Variants in LINGO1 observed in about 807,000 individuals in gnomAD.
LINGO1 encodes the protein leucine rich repeat and Ig domain containing 1.
A neutral mutation model predicts 37.3 loss-of-function variants in LINGO1; 11 were observed. The ratio of observed to expected loss-of-function variants is 0.29; its 90% CI spans 0.19 to 0.49. LINGO1 has a LOEUF of 0.49. Ranked by LOEUF, LINGO1 falls within the 20% of genes least tolerant of loss-of-function variation. The pLI is 0.99. For synonymous variants in LINGO1, 387 were observed against 403.0 expected (o/e 0.96, Z 0.48); for missense variants, 585 against 878.2 (o/e 0.67, Z 4.22).
At chr15:77,737,442 A>AGAGGGAGGAAGGG (rs1228705035) in intron 1 of LINGO1, among the ~76,000 whole-genome samples, 1 of 151,982 alleles carries the variant, frequency 6.6e-6, no homozygotes, top group African/African-American at 2.4e-5. Flanking sequence ...GGGAGGAAGG[A>AGAGGGAGGAAGGG]GAGGGAGGAA....
chr15:77,671,364 GGAGAA>G (rs761234484), intron 3 of LINGO1, among the ~76,000 whole-genome samples: 9 of 152,158 alleles, frequency 5.9e-5, no homozygotes, highest in Non-Finnish European at 1.2e-4. Flanking sequence ...GGAGGAAGGA[GGAGAA>G]GAAAAGAGGT....
Position 77,674,657 on chromosome 15 carries a change from A to G in LINGO1, c.-13+2432T>C, listed in dbSNP as rs1019040564. On this transcript the variant is annotated intron_variant, in intron 3 of 3. Coordinates refer to the LINGO1 transcript ENST00000559893. ...GGAAGGCGCTTCCCCCACAACATCCACCCAACTCAGTCTCTCACTTCTTGC... is the reference window on the plus strand; with the variant it reads ...GGAAGGCGCTTCCCCCACAACATCCGCCCAACTCAGTCTCTCACTTCTTGC... 2.6e-5 allele frequency among the ~76,000 whole-genome samples: 4 copies of G among 151,550 alleles called. 1 individual carries two copies. Among genetic ancestry groups the G allele is most frequent in the Non-Finnish European group, 5.9e-5 (4 of 67,898 alleles).
chr15:77,759,658 T>G (rs2076454909), intron 1 of LINGO1, among the ~76,000 whole-genome samples: 1 of 152,232 alleles, frequency 6.6e-6, no homozygotes, highest in Admixed American at 6.5e-5. Context: ...ATTTGTCTCA[T>G]GCCCAGCTGA....
chr15:77,692,880 G>A (rs571320186), intron 1 of LINGO1, among the ~76,000 whole-genome samples: 2 of 152,364 alleles, frequency 1.3e-5, no homozygotes, highest in East Asian at 1.9e-4. Context: ...CACAGGTGGA[G>A]CAACGGAGGC....
chr15:77,769,618 G>A (rs1388855018), intron 1 of LINGO1, among the ~76,000 whole-genome samples: 1 of 152,148 alleles, frequency 6.6e-6, no homozygotes, highest in Non-Finnish European at 1.5e-5. Context: ...CAGGAGGATT[G>A]CCATGGAGAG....
rs576534136 is a variant in LINGO1 at position 77,766,650 on chromosome 15, C to T, written c.-257+20219G>A. On this transcript the variant is annotated intron_variant, in intron 1 of 3. Coordinates refer to the LINGO1 transcript ENST00000561686. The stretch of plus-strand genomic sequence containing the variant: ...ATGGTTTTATAAGCATCTGGCATTT[C>T]CCCTGCTTGCACTCACTCTGTCCTG... Among the ~76,000 whole-genome samples, 7 of 152,290 alleles carry T rather than the reference C, an allele frequency of 4.6e-5. No individual in the cohort carries two copies. In the South Asian group the frequency reaches 1.2e-3, roughly 27 times the overall value.
At chr15:77,805,222 G>A (rs1021410171) in intron 1 of LINGO1, among the ~76,000 whole-genome samples, 3 of 152,302 alleles carry the variant, frequency 2.0e-5, no homozygotes, top group South Asian at 2.1e-4. Context: ...GCAGGCCTGC[G>A]GTGTTCCCTG....
intron 3 of LINGO1, chr15:77,652,416 T>G (rs1204779466): frequency 6.6e-6 from 1 of 151,804 alleles, no homozygotes; most frequent in Non-Finnish European, 1.5e-5. Context: ...AAATTATGAC[T>G]GACAGCTCTT....
intron 2 of LINGO1, among the ~76,000 whole-genome samples, chr15:77,677,325 C>G (rs1260497718): frequency 6.6e-6 from 1 of 152,100 alleles, no homozygotes; most frequent in Non-Finnish European, 1.5e-5. Flanking sequence ...GCACATGCTC[C>G]TCAGTGCCAT....
At chr15:77,616,893 C>T (rs1458799566) in intron 1 of LINGO1, among the ~76,000 whole-genome samples, 1 of 152,154 alleles carries the variant, frequency 6.6e-6, no homozygotes, top group Admixed American at 6.5e-5. Flanking sequence ...GAAGTGTGCT[C>T]CCCTTAAAAA....
intron 2 of LINGO1, among the ~76,000 whole-genome samples, chr15:77,718,274 C>A (rs533313654): frequency 6.6e-6 from 1 of 150,914 alleles, no homozygotes; most frequent in African/African-American, 2.4e-5. Context: ...AAGTGCAGCA[C>A]CCCAGACACG....
intron 2 of LINGO1, among the ~76,000 whole-genome samples, chr15:77,719,253 G>A (rs1294072981): frequency 3.3e-5 from 5 of 149,988 alleles, no homozygotes; most frequent in African/African-American, 1.2e-4. Flanking sequence ...CCCAGGCCTG[G>A]GGTGGCTGGG....
chr15:77,766,662 C>T (rs1472859861), intron 1 of LINGO1, among the ~76,000 whole-genome samples: 1 of 152,190 alleles, frequency 6.6e-6, no homozygotes, highest in East Asian at 1.9e-4. Context: ...CCTGCTTGCA[C>T]TCACTCTGTC....
At chr15:77,683,065 G>C (rs1056105510) in intron 2 of LINGO1, among the ~76,000 whole-genome samples, 14 of 152,102 alleles carry the variant, frequency 9.2e-5, no homozygotes, top group African/African-American at 3.1e-4. Flanking sequence ...AAGAAAAATG[G>C]GCAAAGGACG....
chr15:77,748,382 A>C (rs2076335758), intron 1 of LINGO1, among the ~76,000 whole-genome samples: 1 of 152,240 alleles, frequency 6.6e-6, no homozygotes, highest in Admixed American at 6.5e-5. Context: ...CCCATCTATA[A>C]AACGGGGATA....
chr15:77,639,622 T>C (rs753051840), intron 3 of LINGO1, among the ~76,000 whole-genome samples: 30 of 152,074 alleles, frequency 2.0e-4, no homozygotes, highest in Non-Finnish European at 4.3e-4. Flanking sequence ...ATTCGCACAA[T>C]GGAATACTAT....
At chr15:77,664,160 T>TGTGTGTGG (rs1555527560) in intron 3 of LINGO1, among the ~76,000 whole-genome samples, 13 of 115,010 alleles carry the variant, frequency 1.1e-4, no homozygotes, top group African/African-American at 4.3e-4. Flanking sequence ...TGTGTGTGTG[T>TGTGTGTGG]GTGTGTGTGT....
chr15:77,798,931 A>T (rs1337256776), intron 1 of LINGO1, among the ~76,000 whole-genome samples: 2 of 141,764 alleles, frequency 1.4e-5, no homozygotes, highest in East Asian at 4.5e-4. Flanking sequence ...AACACTGATC[A>T]GAAAGCAGGG....
intron 3 of LINGO1, among the ~76,000 whole-genome samples, chr15:77,675,791 AAATACCT>A (rs1372342746): frequency 5.3e-5 from 8 of 152,184 alleles, no homozygotes; most frequent in African/African-American, 1.9e-4. Flanking sequence ...CTTAGGGAGA[AAATACCT>A]TCTGTGACTC....
Sources: allele counts gnomAD v4.1 joint callset (sites outside exome capture counted in the v4.1 genomes callset), GRCh38; gene constraint gnomAD v4.1.1; transcripts MANE v1.5; gene names NCBI Gene and HGNC (gene_info 2026-07-23, HGNC 2026-07-21).